VPS4A: variants seen among roughly 807,000 people sequenced by gnomAD.
The protein encoded by VPS4A is vacuolar protein sorting 4 homolog A, also known as vacuolar protein sorting-associated protein 4A.
A neutral mutation model predicts 52.3 loss-of-function variants in VPS4A; 20 were observed. The ratio of observed to expected loss-of-function variants is 0.38; its 90% CI spans 0.27 to 0.56. The LOEUF (loss-of-function observed/expected upper bound fraction) is 0.56. VPS4A is among the 20% of genes least tolerant of loss of function. The pLI is 0.72. For missense variants in VPS4A, 419 were observed against 575.9 expected (o/e 0.73, Z 2.79); for synonymous variants, 293 against 227.7 (o/e 1.29, Z -2.58).
chr16:69,322,564 G>C lies in VPS4A; in HGVS notation c.1076G>C (p.Cys359Ser). The change falls in exon 10 of 11, where the codon TGT becomes TCT. Residue 359 changes from cysteine (C) to serine (S), a missense_variant. Coordinates refer to ENST00000254950, the MANE Select transcript of VPS4A (RefSeq NM_013245.3). ...VQSATHFKKV[C>S]GPSRTNPSMM... The stretch of plus-strand genomic sequence containing the variant: ...GTCAGATCCATTTGGTTTCAGGTCT[G>C]TGGCCCCTCTCGCACCAACCCCAGC... The C allele has an allele frequency of 6.2e-7, 1 of 1,612,628 alleles. No individual in the cohort carries two copies. The highest frequency in any genetic ancestry group is 1.1e-5 in the South Asian group (1 of 90,918).
chr16:69,320,798 T>C lies in VPS4A; in HGVS notation c.851+29T>C, dbSNP rs1472895948. On this transcript the variant is annotated intron_variant, in intron 8 of 10. Coordinates refer to ENST00000254950, the MANE Select transcript of VPS4A (RefSeq NM_013245.3). The surrounding 1 kb of genome is among the most constrained non-coding windows in gnomAD (Gnocchi z 4.2). ...AGTCTTCCCCAGGAGAAGCCAGGGC[T>C]GGAGGCTTCCTCCCACCATGGTCAC... 6.3e-7 allele frequency: 1 copy of C among 1,577,078 alleles called. No homozygotes were observed. Among genetic ancestry groups the C allele is most frequent in the African/African-American group, 1.3e-5 (1 of 74,108 alleles).
intron 10 of VPS4A, chr16:69,323,347 A>G (rs2143270784): frequency 4.9e-6 from 1 of 202,666 alleles, no homozygotes; most frequent in Non-Finnish European, 1.0e-5. Flanking sequence ...AAACGGCCTC[A>G]CAGTGTTGCC....
chr16:69,324,150 G>C (rs2143273814), intron 10 of VPS4A, 58 bp from the exon 11 acceptor site: 1 of 1,555,314 alleles, frequency 6.4e-7, no homozygotes, highest in South Asian at 1.2e-5. Context: ...GTGTGCTGAG[G>C]GGAGGTTGGG....
At chr16:69,322,408 G>A (rs1424703928) in intron 9 of VPS4A, 152 bp from the exon 10 acceptor site, 27 of 752,494 alleles carry the variant, frequency 3.6e-5, no homozygotes, top group Non-Finnish European at 5.0e-5. Context: ...TGAGTCGCTC[G>A]GACCACCCAG....
chr16:69,317,606 A>T (rs1225196808), intron 3 of VPS4A, among the ~76,000 whole-genome samples: 2 of 152,192 alleles, frequency 1.3e-5, no homozygotes, highest in African/African-American at 4.8e-5. Flanking sequence ...ATCCTGGCTA[A>T]CACGGTGAAA....
intron 3 of VPS4A, among the ~76,000 whole-genome samples, chr16:69,317,771 C>T (rs554388951): frequency 4.6e-5 from 7 of 151,664 alleles, no homozygotes; most frequent in East Asian, 1.9e-4. Flanking sequence ...CCAGCCTGGG[C>T]GACTGAGTGC....
chr16:69,324,693 G>A lies in VPS4A; in HGVS notation c.*384G>A, dbSNP rs976437269. 9.7e-5 allele frequency: 21 copies of A among 217,022 alleles called. 1 individual carries two copies. The highest frequency in any genetic ancestry group is 8.6e-4 in the South Asian group (12 of 14,002). The allele number at this position is 217,022 out of a possible 1,614,324, so 13.4% of individuals were successfully genotyped here. ...GCGGGGTGGCGGGGGAGAAGCAGCC[G>A]TGCTGCCAGGTCACCCAGACCTCCA... On this transcript the variant is annotated 3_prime_UTR_variant, in exon 11 of 11. Transcript: ENST00000254950.
rs1041062207 is a variant in VPS4A at position 69,319,346 on chromosome 16, C to A, written c.464-41C>A. 1.9e-6 allele frequency: 3 copies of A among 1,608,782 alleles called. No individual in the cohort carries two copies. In the African/African-American group the frequency reaches 4.0e-5, roughly 22 times the overall value. On this transcript the variant is annotated intron_variant, in intron 5 of 10. Coordinates refer to ENST00000254950, the MANE Select transcript of VPS4A (RefSeq NM_013245.3). ...GACCCTCTGCTTTTCCTATTCCTTT[C>A]CCCAGTCAGGAGGCCTAACTTCTGT...
rs116271753 is a variant in VPS4A at position 69,320,828 on chromosome 16, C to T, written c.851+59C>T. The T allele has an allele frequency of 4.8e-4, 737 of 1,521,256 alleles. 4 individuals are homozygous for T. The African/African-American group carries it at 8.9e-3, about 18-fold the overall frequency. The allele number at this position is 1,521,256 out of a possible 1,614,324, so 94.2% of individuals were successfully genotyped here. ...GCTTCCTCCCACCATGGTCACGGTC[C>T]GCCTGCTGCTGGCAGCCCGGGTGCA... On this transcript the variant is annotated intron_variant, in intron 8 of 10. Coordinates refer to ENST00000254950, the MANE Select transcript of VPS4A (RefSeq NM_013245.3). This position sits in a 1 kb window ranked among gnomAD's most constrained non-coding sequence, Gnocchi z 4.2.
chr16:69,318,123 G>A (rs896897111), intron 3 of VPS4A, among the ~76,000 whole-genome samples: 3 of 151,652 alleles, frequency 2.0e-5, no homozygotes, highest in African/African-American at 2.4e-5. Context: ...CCATAGGTGC[G>A]TGCCACCATG....
Position 69,322,692 on chromosome 16 carries a change from G to T in VPS4A, c.1204G>T (p.Val402Phe). 1 of 1,613,210 alleles carries T rather than the reference G, an allele frequency of 6.2e-7. No individual in the cohort carries two copies. Among genetic ancestry groups the T allele is most frequent in the Non-Finnish European group, 8.5e-7 (1 of 1,179,438 alleles). The stretch of plus-strand genomic sequence containing the variant: ...TGGGGACAAACTCTTAGAGCCTGTG[G>T]TTTGCATGGTAAGTGACTTGACAGG... ...VPGDKLLEPVVCMSDMLRSLA... is the reference protein window; with the variant it reads ...VPGDKLLEPVFCMSDMLRSLA... The change falls in exon 10 of 11, where the codon GTT becomes TTT. Residue 402 changes from valine to phenylalanine, a missense_variant. This residue lies in a region of VPS4A where 185 missense variants were observed against 200.2 expected (regional missense o/e 0.92). Coordinates refer to ENST00000254950, the MANE Select transcript of VPS4A (RefSeq NM_013245.3).
rs141289421 is a variant in VPS4A at position 69,317,486 on chromosome 16, G to A, written c.281+1114G>A. 4.1e-3 allele frequency among the ~76,000 whole-genome samples: 620 copies of A among 152,018 alleles called. 6 individuals are homozygous for A. The highest frequency in any genetic ancestry group is 6.4e-3 in the Non-Finnish European group (438 of 67,990). On this transcript the variant is annotated intron_variant, in intron 3 of 10. Coordinates refer to ENST00000254950, the MANE Select transcript of VPS4A (RefSeq NM_013245.3). ...CAGCCTGGCCAACATGGTGAATCCC[G>A]TCTCTATTAAAAATACAAAAAAATA...
chr16:69,325,545 C>T lies in VPS4A; in HGVS notation c.*1236C>T, dbSNP rs1337232839. The T allele has an allele frequency of 6.6e-6, 1 of 152,070 alleles. No homozygotes were observed. The highest frequency in any genetic ancestry group is 1.5e-5 in the Non-Finnish European group (1 of 68,030). The allele number at this position is 152,070 out of a possible 1,614,324, so 9.4% of individuals were successfully genotyped here. Reference sequence around the variant, plus strand: ...GGTCAGGAAATCGAGAACATCCTGGCTAACACAGTGAAACCCCGTCTCACT... The same window carrying T: ...GGTCAGGAAATCGAGAACATCCTGGTTAACACAGTGAAACCCCGTCTCACT... On this transcript the variant is annotated 3_prime_UTR_variant, in exon 11 of 11. Coordinates refer to ENST00000254950, the MANE Select transcript of VPS4A (RefSeq NM_013245.3).
chr16:69,322,788 G>C, intron 10 of VPS4A, 88 bp downstream of exon 10: 1 of 1,500,906 alleles, frequency 6.7e-7, no homozygotes, highest in East Asian at 2.3e-5. Context: ...GTCTTCTCCA[G>C]GCCAGGCATG....
rs763947616 is a variant in VPS4A, at chr16:69,322,638, G to A, written c.1150G>A (p.Ala384Thr). The change falls in exon 10 of 11, where the codon GCC (alanine) becomes ACC (threonine). Residue 384 changes from alanine to threonine, a missense_variant. This residue lies in a region of VPS4A where 185 missense variants were observed against 200.2 expected (regional missense o/e 0.92). Coordinates refer to ENST00000254950, the MANE Select transcript of VPS4A (RefSeq NM_013245.3). ...TCCATGCTCACCAGGGGACCCAGGA[G>A]CCATGGAGATGACTTGGATGGATGT... The part of the protein sequence containing the change: ...LTPCSPGDPG[A>T]MEMTWMDVPG... The A allele has an allele frequency of 3.9e-5, 63 of 1,613,828 alleles. No homozygotes were observed. Among genetic ancestry groups the A allele is most frequent in the Non-Finnish European group, 2.5e-6 (3 of 1,179,874 alleles).
At chr16:69,312,741 T>A (rs1424804470) in intron 1 of VPS4A, among the ~76,000 whole-genome samples, 1 of 151,922 alleles carries the variant, frequency 6.6e-6, no homozygotes, top group African/African-American at 2.4e-5. Flanking sequence ...GCCTCCTGAG[T>A]AGCTGGGATT....
At chr16:69,314,765 C>T (rs538603862) in intron 1 of VPS4A, among the ~76,000 whole-genome samples, 4 of 152,160 alleles carry the variant, frequency 2.6e-5, no homozygotes, top group African/African-American at 4.8e-5. Context: ...ACAAATGCCC[C>T]GGCCCTGCCA....
intron 3 of VPS4A, among the ~76,000 whole-genome samples, chr16:69,317,584 G>C (rs1309559554): frequency 6.6e-6 from 1 of 152,174 alleles, no homozygotes; most frequent in Non-Finnish European, 1.5e-5. Context: ...ACGAGGTCAG[G>C]AGATTGAGAC....
intron 10 of VPS4A, among the ~76,000 whole-genome samples, chr16:69,324,007 A>C (rs1422972623): frequency 6.6e-6 from 1 of 151,398 alleles, no homozygotes; most frequent in Non-Finnish European, 1.5e-5. Flanking sequence ...GATGGAGCTT[A>C]GATTCTCAGA....
Sources: gnomAD v4.1 joint callset for allele counts (sites outside exome capture counted in the v4.1 genomes callset) on GRCh38, gnomAD v4.1.1 for gene constraint, gnomAD v4.1.1 regional missense constraint, Gnocchi (gnomAD v3.1) non-coding constraint, MANE v1.5 for transcripts, NCBI Gene and HGNC (gene_info 2026-07-23, HGNC 2026-07-21) for gene names.